SOX6: variants seen among roughly 807,000 people sequenced by gnomAD.
SOX6 encodes the protein SRY-box transcription factor 6.
In SOX6, 11 loss-of-function variants were observed where a neutral mutation model predicts 97.8. The observed-to-expected ratio is 0.11, with a 90% confidence interval of 0.07 to 0.19. The LOEUF is 0.19. Ranked by LOEUF, SOX6 falls within the 10% of genes least tolerant of loss-of-function variation. The pLI is 1.00. For missense variants in SOX6, 810 were observed against 1,039.5 expected, an observed-to-expected ratio of 0.78 and a Z score of 3.04; for synonymous variants, 360 against 371.4, an observed-to-expected ratio of 0.97 and a Z score of 0.35.
At chr11:16,277,306 C>T (rs1026292055) in intron 3 of SOX6, among the ~76,000 whole-genome samples, 3 of 152,008 alleles carry the variant, frequency 2.0e-5, no homozygotes, top group Non-Finnish European at 4.4e-5. Flanking sequence ...CCTCTCACTG[C>T]CCCCACCCAC....
chr11:16,133,052 TA>T (rs200015955), intron 6 of SOX6, among the ~76,000 whole-genome samples: 21 of 151,230 alleles, frequency 1.4e-4, no homozygotes, highest in Admixed American at 5.3e-4. Context: ...CCCAGTAACA[TA>T]AAAAAAAATG....
chr11:16,228,374 T>C (rs1940129700), intron 4 of SOX6, among the ~76,000 whole-genome samples: 1 of 152,180 alleles, frequency 6.6e-6, no homozygotes, highest in Non-Finnish European at 1.5e-5. Context: ...AGATGACTAC[T>C]ATTAAATTTA....
intron 4 of SOX6, among the ~76,000 whole-genome samples, chr11:16,604,507 C>G (rs142018083): frequency 0.011 from 1,697 of 152,276 alleles, 24 homozygotes; most frequent in African/African-American, 0.039. Flanking sequence ...GGCCAAAGCC[C>G]GGCCGCAGGA....
At chr11:16,412,302 A>C (rs555941738) in intron 1 of SOX6, among the ~76,000 whole-genome samples, 1 of 152,354 alleles carries the variant, frequency 6.6e-6, no homozygotes, top group East Asian at 1.9e-4. Context: ...GTAAACTAGA[A>C]TAAATCGCAA....
intron 3 of SOX6, among the ~76,000 whole-genome samples, chr11:16,711,832 C>T (rs1848183066): frequency 6.6e-6 from 1 of 152,048 alleles, no homozygotes; most frequent in Non-Finnish European, 1.5e-5. Context: ...GCAGTATACA[C>T]CGCACCACAT....
rs771223098 is a variant in SOX6 at position 16,402,659 on chromosome 11, C to T, written c.-4-61407G>A. 5.0e-6 allele frequency: 8 copies of T among 1,610,616 alleles called. No individual in the cohort carries two copies. In the African/African-American group the frequency reaches 1.1e-4, roughly 22 times the overall value. ...TTTAACAAAATACAAACTCTCTTACCCCATTTTTCTTCTTTCCTTCCTCCA... is the reference window on the plus strand; with the variant it reads ...TTTAACAAAATACAAACTCTCTTACTCCATTTTTCTTCTTTCCTTCCTCCA... On this transcript the variant is annotated intron_variant, in intron 1 of 15. Transcript: ENST00000396356.
At chr11:15,974,018 C>G (rs1022883983) in intron 15 of SOX6, among the ~76,000 whole-genome samples, 1 of 152,204 alleles carries the variant, frequency 6.6e-6, no homozygotes, top group African/African-American at 2.4e-5. Context: ...ATCTACCTAA[C>G]TCAGAGACTA....
intron 13 of SOX6, among the ~76,000 whole-genome samples, chr11:16,012,803 A>G (rs558689444): frequency 1.3e-5 from 2 of 152,098 alleles, no homozygotes; most frequent in South Asian, 4.1e-4. Context: ...AAAAAGTAAT[A>G]CCTTCTTCAC....
At chr11:16,553,063 C>T (rs756484118) in intron 4 of SOX6, among the ~76,000 whole-genome samples, 9 of 151,904 alleles carry the variant, frequency 5.9e-5, no homozygotes, top group Admixed American at 2.6e-4. Context: ...ACTAAAGGAC[C>T]GAAACATGGA....
intron 13 of SOX6, among the ~76,000 whole-genome samples, chr11:16,014,347 G>A (rs1191718967): frequency 6.6e-6 from 1 of 152,058 alleles, no homozygotes; most frequent in Non-Finnish European, 1.5e-5. Context: ...GTGATGGTTA[G>A]TGCATAGGCA....
intron 1 of SOX6, among the ~76,000 whole-genome samples, chr11:16,429,914 C>T (rs1453626510): frequency 1.3e-5 from 2 of 152,166 alleles, no homozygotes; most frequent in Non-Finnish European, 2.9e-5. Context: ...AACAAACAAG[C>T]TCTGCTATGT....
chr11:16,720,097 A>G (rs985561820), intron 2 of SOX6, among the ~76,000 whole-genome samples: 27 of 152,214 alleles, frequency 1.8e-4, no homozygotes, highest in African/African-American at 7.2e-5. Context: ...TCCAGCATAT[A>G]AACAGAACCA....
chr11:16,037,293 ATTTG>A lies in SOX6; in HGVS notation c.1623+9217_1623+9220del, dbSNP rs1564919327. On this transcript the variant is annotated intron_variant, in intron 12 of 15. Coordinates refer to ENST00000683767, the MANE Select transcript of SOX6 (RefSeq NM_001367873.1). ...GAGGTTGGGAATTCTTCAGAAATTA[ATTTG>A]TTTATGTGGGGTGACATAGCATTAA... 3.9e-5 allele frequency among the ~76,000 whole-genome samples: 6 copies of A among 152,282 alleles called. No homozygotes were observed. In the South Asian group the frequency reaches 1.2e-3, roughly 32 times the overall value.
chr11:16,542,563 C>CA (rs1286079055), intron 4 of SOX6, among the ~76,000 whole-genome samples: 3 of 151,962 alleles, frequency 2.0e-5, no homozygotes, highest in Admixed American at 6.6e-5. Context: ...GTCACACACA[C>CA]AAAAAAATTC....
intron 3 of SOX6, among the ~76,000 whole-genome samples, chr11:16,681,038 T>G (rs1257249817): frequency 6.6e-6 from 1 of 152,050 alleles, no homozygotes; most frequent in Non-Finnish European, 1.5e-5. Context: ...CTGTCAATAT[T>G]AGACAGATTA....
intron 1 of SOX6, among the ~76,000 whole-genome samples, chr11:16,459,467 A>T (rs1384002070): frequency 6.6e-6 from 1 of 152,096 alleles, no homozygotes; most frequent in East Asian, 1.9e-4. Context: ...CAAACAAAAT[A>T]CAACTCATGA....
At chr11:16,435,468 C>T (rs1029061979) in intron 1 of SOX6, among the ~76,000 whole-genome samples, 1 of 151,838 alleles carries the variant, frequency 6.6e-6, no homozygotes, top group African/African-American at 2.4e-5. Context: ...GTAATAATAC[C>T]GTCTATTAGT....
At chr11:16,470,904 G>A (rs979332329) in intron 1 of SOX6, among the ~76,000 whole-genome samples, 1 of 152,054 alleles carries the variant, frequency 6.6e-6, no homozygotes, top group African/African-American at 2.4e-5. Context: ...CAAGCCTAGA[G>A]TTAGGCAATA....
intron 3 of SOX6, among the ~76,000 whole-genome samples, chr11:16,685,467 C>T (rs1847961826): frequency 6.6e-6 from 1 of 152,200 alleles, no homozygotes; most frequent in Non-Finnish European, 1.5e-5. Context: ...GGGTTACAGG[C>T]CCCATGAAAG....
Sources: gnomAD v4.1 joint callset for allele counts (sites outside exome capture counted in the v4.1 genomes callset) on GRCh38, gnomAD v4.1.1 for gene constraint, MANE v1.5 for transcripts, NCBI Gene and HGNC (gene_info 2026-07-23, HGNC 2026-07-21) for gene names.